Variants in ARHGAP44 observed in about 807,000 individuals in gnomAD.
ARHGAP44 encodes the protein rho GTPase-activating protein 44.
ARHGAP44 carries 43 observed loss-of-function variants against 106.8 expected under a neutral mutation model. The ratio of observed to expected loss-of-function variants is 0.40; its 90% CI spans 0.32 to 0.52. The LOEUF (loss-of-function observed/expected upper bound fraction) is 0.52, where lower values mean the gene tolerates loss of function less well. Ranked by LOEUF, ARHGAP44 falls within the 20% of genes least tolerant of loss-of-function variation. The pLI is 0.48. For missense variants in ARHGAP44, 866 were observed against 1,050.5 expected, an observed-to-expected ratio of 0.82 and a Z score of 2.43; for synonymous variants, 439 against 410.3, an observed-to-expected ratio of 1.07 and a Z score of -0.85.
chr17:12,967,444 CT>C (rs906602533), intron 16 of ARHGAP44, among the ~76,000 whole-genome samples: 2 of 152,030 alleles, frequency 1.3e-5, no homozygotes, highest in African/African-American at 4.8e-5. Flanking sequence ...TTTGTCCACG[CT>C]CCCCTCCTGC....
rs74311753 is a variant in ARHGAP44 at position 12,897,405 on chromosome 17, AC to A, written c.198+897del. 2.7e-3 allele frequency among the ~76,000 whole-genome samples: 399 copies of A among 148,566 alleles called. 10 individuals carry two copies. The East Asian group carries it at 0.045, about 17-fold the overall frequency. ...TCCCAGCTCCTGCCGCAGTGCAAAA[AC>A]CCACTCTACTTGTCCTACGAGTCAT... On this transcript the variant is annotated intron_variant, in intron 3 of 20. Coordinates refer to ENST00000379672, the MANE Select transcript of ARHGAP44 (RefSeq NM_014859.6).
At chr17:12,880,024 A>G (rs1359309302) in intron 1 of ARHGAP44, among the ~76,000 whole-genome samples, 1 of 152,116 alleles carries the variant, frequency 6.6e-6, no homozygotes, top group Non-Finnish European at 1.5e-5. Flanking sequence ...AAATCCATCT[A>G]TAAATGAACT....
intron 1 of ARHGAP44, among the ~76,000 whole-genome samples, chr17:12,858,300 T>C (rs2035970889): frequency 6.6e-6 from 1 of 152,162 alleles, no homozygotes; most frequent in African/African-American, 2.4e-5. Flanking sequence ...ATGTGGACTC[T>C]AAAATCCTCC....
intron 18 of ARHGAP44, among the ~76,000 whole-genome samples, chr17:12,974,789 TAATAA>T (rs1411852126): frequency 6.6e-6 from 1 of 152,010 alleles, no homozygotes; most frequent in African/African-American, 2.4e-5. Flanking sequence ...CAATAACTGG[TAATAA>T]AATAGAAGAA....
chr17:12,857,125 C>T (rs1033321495), intron 1 of ARHGAP44, among the ~76,000 whole-genome samples: 3 of 152,156 alleles, frequency 2.0e-5, no homozygotes, highest in African/African-American at 7.2e-5. Context: ...ACCTCTGTTC[C>T]AAGTCCCTGG....
chr17:12,862,591 A>G (rs1274266066), intron 1 of ARHGAP44, among the ~76,000 whole-genome samples: 1 of 152,188 alleles, frequency 6.6e-6, no homozygotes, highest in Non-Finnish European at 1.5e-5. Context: ...GGTTCTTACC[A>G]GGTCTTTCAT....
intron 8 of ARHGAP44, 25 bp downstream of exon 8, chr17:12,941,149 G>A (rs1458204462): frequency 3.7e-6 from 6 of 1,604,682 alleles, no homozygotes; most frequent in South Asian, 1.1e-5. Context: ...AGGTGAGATT[G>A]CTTAAAGGCT....
chr17:12,841,636 A>AAAAAAAAAAAAG (rs1567642381), intron 1 of ARHGAP44, among the ~76,000 whole-genome samples: 25 of 110,988 alleles, frequency 2.3e-4, no homozygotes, highest in African/African-American at 7.3e-4. Context: ...ACACACACAC[A>AAAAAAAAAAAAG]CACAAACAAA....
intron 1 of ARHGAP44, among the ~76,000 whole-genome samples, chr17:12,827,453 T>G (rs909578036): frequency 2.0e-5 from 3 of 152,148 alleles, no homozygotes; most frequent in Admixed American, 1.3e-4. Flanking sequence ...AAATATTAGC[T>G]AAACAAACCC....
intron 1 of ARHGAP44, among the ~76,000 whole-genome samples, chr17:12,875,622 T>C (rs748646295): frequency 9.4e-5 from 14 of 149,204 alleles, no homozygotes; most frequent in Non-Finnish European, 4.4e-5. Context: ...AAAGGGGGGG[T>C]GCATTATAAC....
At chr17:12,932,115 G>A (rs997076982) in intron 7 of ARHGAP44, among the ~76,000 whole-genome samples, 5 of 151,860 alleles carry the variant, frequency 3.3e-5, no homozygotes, top group Admixed American at 6.6e-5. Context: ...TCTCTGAAAA[G>A]GAAATTGCAT....
chr17:12,983,264 TAA>T (rs56038306), intron 19 of ARHGAP44, among the ~76,000 whole-genome samples: 26 of 95,816 alleles, frequency 2.7e-4, no homozygotes, highest in African/African-American at 9.1e-4. Context: ...GACTCCATCT[TAA>T]AAAAAAAAAA....
rs1198797077 is a variant in ARHGAP44 at position 12,991,295 on chromosome 17, C to CAAAT, written c.*1126_*1129dup. ...TCAAAGTTTAAAATTTTATCCTTTT[C>CAAAT]AAATAGATGATATAATATACCTATA... On this transcript the variant is annotated 3_prime_UTR_variant, in exon 21 of 21. Coordinates refer to ENST00000379672, the MANE Select transcript of ARHGAP44 (RefSeq NM_014859.6). 1 of 152,628 alleles carries CAAAT rather than the reference C, an allele frequency of 6.6e-6. No individual in the cohort carries two copies. The highest frequency in any genetic ancestry group is 1.9e-4 in the East Asian group (1 of 5,208). 9.5% of individuals were successfully genotyped at this position (152,628 alleles called of 1,614,324 possible).
chr17:12,973,646 G>C, intron 17 of ARHGAP44: 1 of 487,922 alleles, frequency 2.0e-6, no homozygotes, highest in South Asian at 3.0e-5. Flanking sequence ...TCAGTTCCAC[G>C]CTCCCCCCTT....
At chr17:12,918,849 G>A (rs942744417) in intron 5 of ARHGAP44, among the ~76,000 whole-genome samples, 1 of 152,134 alleles carries the variant, frequency 6.6e-6, no homozygotes, top group African/African-American at 2.4e-5. Flanking sequence ...GGGAGTTGGG[G>A]GCAAGGTGAG....
At chr17:12,919,475 T>C (rs531662753) in intron 5 of ARHGAP44, among the ~76,000 whole-genome samples, 49 of 147,400 alleles carry the variant, frequency 3.3e-4, no homozygotes, top group African/African-American at 1.2e-3. Flanking sequence ...AACCTTTGCC[T>C]CCTGGGTTCA....
At chr17:12,935,733 A>C (rs2038528084) in intron 7 of ARHGAP44, among the ~76,000 whole-genome samples, 1 of 152,216 alleles carries the variant, frequency 6.6e-6, no homozygotes, top group South Asian at 2.1e-4. Context: ...TAAACAACAG[A>C]ATTGACACTG....
Position 12,985,057 on chromosome 17 carries a change from C to T in ARHGAP44, c.2317+149C>T, listed in dbSNP as rs554862697. The stretch of plus-strand genomic sequence containing the variant: ...CACCAGGGGTAGCTCATAAGATCTC[C>T]TTAGAAGCCCACCAATGGAAAGCAA... On this transcript the variant is annotated intron_variant, in intron 20 of 20. Transcript: ENST00000379672. 89 of 1,006,220 alleles carry T rather than the reference C, an allele frequency of 8.8e-5. No homozygotes were observed. In the Middle Eastern group the frequency reaches 1.6e-3, roughly 18 times the overall value. The allele number at this position is 1,006,220 out of a possible 1,614,324, so 62.3% of individuals were successfully genotyped here.
intron 12 of ARHGAP44, 132 bp from the exon 13 acceptor site, chr17:12,952,369 T>G: frequency 1.3e-6 from 1 of 749,206 alleles, no homozygotes; most frequent in Middle Eastern, 2.4e-4. Flanking sequence ...AACCAAATTT[T>G]TAAATACTAG....
Sources: allele counts gnomAD v4.1 joint callset (sites outside exome capture counted in the v4.1 genomes callset), GRCh38; gene constraint gnomAD v4.1.1; transcripts MANE v1.5; gene names NCBI Gene and HGNC (gene_info 2026-07-23, HGNC 2026-07-21).